Variants in ZNF33A observed in about 807,000 individuals in gnomAD.
The protein encoded by ZNF33A is brain my041 protein.
ZNF33A carries 9 observed loss-of-function variants against 15.9 expected under a neutral mutation model. The ratio of observed to expected loss-of-function variants is 0.57; its 90% confidence interval spans 0.34 to 0.99. The LOEUF is 0.99. Ranked by LOEUF, ZNF33A falls within the 50% of genes least tolerant of loss-of-function variation. The pLI, the probability that ZNF33A is intolerant of heterozygous loss-of-function variation, is 0.02. For missense variants in ZNF33A, 843 were observed against 941.6 expected (o/e 0.90, Z 1.37); for synonymous variants, 294 against 324.2 (o/e 0.91, Z 1.00).
intron 4 of ZNF33A, among the ~76,000 whole-genome samples, chr10:38,025,141 AGGC>A (rs1220581540): frequency 1.3e-5 from 2 of 152,210 alleles, no homozygotes; most frequent in African/African-American, 4.8e-5. Context: ...CTGAGGTTTC[AGGC>A]TTCCGCTGGG....
At chr10:38,032,548 G>T (rs1447860316) in intron 4 of ZNF33A, among the ~76,000 whole-genome samples, 2 of 151,598 alleles carry the variant, frequency 1.3e-5, no homozygotes, top group African/African-American at 4.8e-5. Flanking sequence ...GTTCAAGCCA[G>T]TTCTCCTGCC....
intron 4 of ZNF33A, among the ~76,000 whole-genome samples, chr10:38,041,598 C>G (rs1261834213): frequency 6.6e-6 from 1 of 151,978 alleles, no homozygotes; most frequent in African/African-American, 2.4e-5. Flanking sequence ...CATCCCAAAT[C>G]CGAAAATCTC....
downstream of ZNF33A, among the ~76,000 whole-genome samples, chr10:38,061,979 G>A (rs1279601569): frequency 6.6e-6 from 1 of 152,076 alleles, no homozygotes; most frequent in Non-Finnish European, 1.5e-5. Flanking sequence ...CAAAAAACAA[G>A]TCATGTTGAA....
intron 2 of ZNF33A, among the ~76,000 whole-genome samples, chr10:38,014,913 G>A (rs769362059): frequency 6.6e-6 from 1 of 151,810 alleles, no homozygotes; most frequent in Non-Finnish European, 1.5e-5. Context: ...AGACAGAGTC[G>A]CCCAGGCTGG....
intron 4 of ZNF33A, among the ~76,000 whole-genome samples, chr10:38,053,082 T>C (rs1277116285): frequency 6.6e-6 from 1 of 152,206 alleles, no homozygotes; most frequent in African/African-American, 2.4e-5. Flanking sequence ...TATTGCTTCT[T>C]CTTTTTCTTG....
intron 4 of ZNF33A, among the ~76,000 whole-genome samples, chr10:38,047,181 C>A (rs73246314): frequency 6.2e-4 from 71 of 113,804 alleles, no homozygotes; most frequent in African/African-American, 1.7e-3. Flanking sequence ...CGTCTCCCCC[C>A]ACCCCTGCCA....
downstream of ZNF33A, among the ~76,000 whole-genome samples, chr10:38,065,899 C>A (rs1302642059): frequency 6.6e-6 from 1 of 152,034 alleles, no homozygotes; most frequent in Non-Finnish European, 1.5e-5. Context: ...TTAATAAAGA[C>A]AAGGTTTCAC....
intron 4 of ZNF33A, among the ~76,000 whole-genome samples, chr10:38,049,961 G>A (rs961502922): frequency 6.6e-6 from 1 of 152,148 alleles, no homozygotes; most frequent in African/African-American, 2.4e-5. Flanking sequence ...TGACGATTTT[G>A]ATGAAATGAA....
At chr10:38,066,567 T>C (rs772286079), downstream of ZNF33A, among the ~76,000 whole-genome samples, 20 of 151,834 alleles carry the variant, frequency 1.3e-4, no homozygotes, top group Non-Finnish European at 2.1e-4. Context: ...TATTTTTATA[T>C]CCATTATTCC....
At chr10:38,039,358 G>T in intron 4 of ZNF33A, 3 of 415,136 alleles carry the variant, frequency 7.2e-6, no homozygotes, top group Non-Finnish European at 9.5e-6. Context: ...AAGTAGCTGG[G>T]ACTACAGGCA....
chr10:38,017,108 A>C lies in ZNF33A; in HGVS notation c.154+93A>C, dbSNP rs924832357. The C allele has an allele frequency of 3.1e-5, 47 of 1,517,884 alleles. No homozygotes were observed. In the Admixed American group the frequency reaches 9.8e-4, roughly 32 times the overall value. The allele number at this position is 1,517,884 out of a possible 1,614,324, so 94.0% of individuals were successfully genotyped here. A position where few individuals can be genotyped will look rare whatever the true frequency, so the allele number is the denominator to read the frequency against. On this transcript the variant is annotated intron_variant, in intron 3 of 4. Coordinates refer to ENST00000432900, the MANE Select transcript of ZNF33A (RefSeq NM_006954.2). ...CAGTCTGTATAGTTTAATGATATTT[A>C]AGGTTAGGCTTCAGGAGTCAGTGTT...
intron 4 of ZNF33A, among the ~76,000 whole-genome samples, chr10:38,025,679 A>G (rs1242913702): frequency 6.6e-6 from 1 of 152,246 alleles, no homozygotes; most frequent in Non-Finnish European, 1.5e-5. Flanking sequence ...TTGTTATGGC[A>G]GCCGAAGCTA....
downstream of ZNF33A, among the ~76,000 whole-genome samples, chr10:38,063,350 G>T (rs756166725): frequency 6.6e-6 from 1 of 152,144 alleles, no homozygotes; most frequent in African/African-American, 2.4e-5. Context: ...GTGTATTCTC[G>T]GAAGGTACCA....
At position 38,041,862 on chromosome 10, in the gene ZNF33A, T is replaced by G. The variant is rs191819366; in HGVS notation, c.251-12513T>G. On this transcript the variant is annotated intron_variant, in intron 4 of 4. Coordinates refer to ENST00000432900, the MANE Select transcript of ZNF33A (RefSeq NM_006954.2). ...GCTTTTTGTTGTTGTTGTTGTTGTT[T>G]TTTTACTTTAAGTTCTGTGATACAT... 4.5e-4 allele frequency among the ~76,000 whole-genome samples: 68 copies of G among 152,238 alleles called. 2 individuals are homozygous for G. Among genetic ancestry groups the G allele is most frequent in the Admixed American group, 1.2e-3 (18 of 15,288 alleles).
intron 4 of ZNF33A, among the ~76,000 whole-genome samples, chr10:38,035,111 C>CTTTTTCTTT (rs1564852618): frequency 1.2e-5 from 1 of 85,772 alleles, no homozygotes; most frequent in Non-Finnish European, 2.0e-5. Flanking sequence ...CATTTACTTT[C>CTTTTTCTTT]TTTTTTTTTT....
chr10:38,056,509 A>G lies in ZNF33A; in HGVS notation c.2385A>G (p.Ser795=). The change falls in exon 5 of 5, where the codon TCA becomes TCG. Residue 795 remains serine, a synonymous_variant. Transcript: ENST00000432900. The part of the protein sequence containing the change: ...FQPQVSLHNA[S]EYSHCGESPD... ...CACAAGTCAGCCTCCATAATGCCTC[A>G]GAGTATTCACACTGTGGAGAAAGCC... 6.2e-7 allele frequency: 1 copy of G among 1,608,916 alleles called. No homozygotes were observed. The highest frequency in any genetic ancestry group is 8.5e-7 in the Non-Finnish European group (1 of 1,177,518).
chr10:38,030,159 G>A (rs1208679532), intron 4 of ZNF33A, among the ~76,000 whole-genome samples: 2 of 152,168 alleles, frequency 1.3e-5, no homozygotes, highest in Non-Finnish European at 2.9e-5. Context: ...TTGATGGCAT[G>A]TAAAATGCTA....
chr10:38,032,163 T>A (rs920067174), intron 4 of ZNF33A, among the ~76,000 whole-genome samples: 5 of 152,076 alleles, frequency 3.3e-5, no homozygotes, highest in Admixed American at 3.3e-4. Context: ...AAATTGTCAT[T>A]TTGTGTGCAG....
chr10:38,064,079 C>A, downstream of ZNF33A: 1 of 1,596,928 alleles, frequency 6.3e-7, no homozygotes, highest in Non-Finnish European at 8.5e-7. Flanking sequence ...CATCCTTACT[C>A]CCTCCCAGGC....
Sources: allele counts gnomAD v4.1 joint callset (sites outside exome capture counted in the v4.1 genomes callset), GRCh38; gene constraint gnomAD v4.1.1; transcripts MANE v1.5; gene names NCBI Gene and HGNC (gene_info 2026-07-23, HGNC 2026-07-21).